The following PCCA variants were observed in gnomAD, a reference collection of about 807,000 sequenced individuals.
PCCA encodes the protein propionyl-CoA carboxylase subunit alpha, also known as propionyl-CoA carboxylase alpha chain, mitochondrial.
A neutral mutation model predicts 101.3 loss-of-function variants in PCCA; 74 were observed. The observed-to-expected ratio is 0.73, with a 90% CI of 0.61 to 0.89. PCCA has a LOEUF of 0.89. PCCA is among the 40% of genes least tolerant of loss of function. The pLI, the probability that PCCA is intolerant of heterozygous loss-of-function variation, is 0.00. For synonymous variants in PCCA, 294 were observed against 313.6 expected, an observed-to-expected ratio of 0.94 and a Z score of 0.66; for missense variants, 891 against 907.0, an observed-to-expected ratio of 0.98 and a Z score of 0.23.
rs147667745 is a variant in PCCA, at chr13:100,362,983, T to C, written c.1644-5489T>C. Among the ~76,000 whole-genome samples the C allele has an allele frequency of 2.0e-5, 3 of 152,336 alleles. No individual in the cohort carries two copies. The East Asian group carries it at 5.8e-4, about 29-fold the overall frequency. Reference sequence around the variant, plus strand: ...AACTTTAATGTTGGAGTGTTGTAAGTTCTCACATAATAAGGCTCAGATTTT... The same window carrying C: ...AACTTTAATGTTGGAGTGTTGTAAGCTCTCACATAATAAGGCTCAGATTTT... On this transcript the variant is annotated intron_variant, in intron 18 of 23. Transcript: ENST00000376285.
chr13:100,105,548 G>A (rs1369910624), intron 2 of PCCA, among the ~76,000 whole-genome samples: 1 of 151,320 alleles, frequency 6.6e-6, no homozygotes, highest in Non-Finnish European at 1.5e-5. Context: ...TGGGCTATCA[G>A]CCAGGTGTGA....
chr13:100,407,222 T>A (rs2089993453), intron 19 of PCCA, among the ~76,000 whole-genome samples: 1 of 152,214 alleles, frequency 6.6e-6, no homozygotes, highest in African/African-American at 2.4e-5. Context: ...TAAAGAAGAT[T>A]GAACATCATT....
intron 2 of PCCA, among the ~76,000 whole-genome samples, chr13:100,103,644 A>G (rs2047482590): frequency 1.5e-5 from 2 of 136,030 alleles, no homozygotes; most frequent in South Asian, 4.7e-4. Flanking sequence ...TTATTTATTT[A>G]TTTATTTGTG....
chr13:100,420,586 CAA>C (rs1447250865), intron 19 of PCCA, among the ~76,000 whole-genome samples: 7 of 152,002 alleles, frequency 4.6e-5, no homozygotes, highest in African/African-American at 1.7e-4. Context: ...CTCAAAAAAA[CAA>C]AGACATTAAC....
chr13:100,103,532 G>C (rs59483796), intron 2 of PCCA, among the ~76,000 whole-genome samples: 1 of 150,458 alleles, frequency 6.6e-6, no homozygotes, highest in Non-Finnish European at 1.5e-5. Flanking sequence ...GGATGGTCTC[G>C]AACTCCTGAC....
chr13:100,333,228 G>A (rs904961949), intron 17 of PCCA, among the ~76,000 whole-genome samples: 3 of 152,080 alleles, frequency 2.0e-5, no homozygotes, highest in Non-Finnish European at 2.9e-5. Flanking sequence ...ATTTTAAACT[G>A]TATCGTCTTT....
At chr13:100,436,001 C>T (rs962163813) in intron 20 of PCCA, among the ~76,000 whole-genome samples, 8 of 151,778 alleles carry the variant, frequency 5.3e-5, no homozygotes, top group African/African-American at 1.7e-4. Context: ...TGAGATCGAG[C>T]CATTGCACTC....
chr13:100,105,668 A>AC (rs1311322779), intron 2 of PCCA, among the ~76,000 whole-genome samples: 2 of 149,312 alleles, frequency 1.3e-5, no homozygotes, highest in Non-Finnish European at 3.0e-5. Flanking sequence ...AAAAAAAAAA[A>AC]AAAAAAAAAA....
At chr13:100,473,481 T>C (rs1489374831) in intron 21 of PCCA, among the ~76,000 whole-genome samples, 2 of 152,222 alleles carry the variant, frequency 1.3e-5, no homozygotes, top group African/African-American at 4.8e-5. Context: ...TTTACCAGTA[T>C]AGCTCTCAGA....
chr13:100,484,321 C>T (rs369274381), intron 21 of PCCA, among the ~76,000 whole-genome samples: 5 of 152,050 alleles, frequency 3.3e-5, no homozygotes, highest in African/African-American at 4.8e-5. Context: ...CAGAGGCTCT[C>T]GTGAAACCCT....
At chr13:100,298,202 G>A (rs2065707357) in intron 12 of PCCA, among the ~76,000 whole-genome samples, 1 of 152,078 alleles carries the variant, frequency 6.6e-6, no homozygotes, top group Non-Finnish European at 1.5e-5. Flanking sequence ...ATTCCATTTT[G>A]TATTTTGAAT....
intron 21 of PCCA, among the ~76,000 whole-genome samples, chr13:100,509,194 G>C (rs938640774): frequency 6.6e-6 from 1 of 151,326 alleles, no homozygotes; most frequent in African/African-American, 2.4e-5. Flanking sequence ...GCCAGTAGAC[G>C]GATATGTTAA....
intron 20 of PCCA, among the ~76,000 whole-genome samples, chr13:100,447,980 G>A (rs1391673218): frequency 6.6e-6 from 1 of 152,124 alleles, no homozygotes; most frequent in African/African-American, 2.4e-5. Flanking sequence ...AATGAAATTA[G>A]GATACATCTG....
At chr13:100,512,689 G>A (rs1050125058) in intron 21 of PCCA, among the ~76,000 whole-genome samples, 4 of 152,140 alleles carry the variant, frequency 2.6e-5, no homozygotes, top group African/African-American at 9.7e-5. Context: ...GGCTGCTTCT[G>A]GGATCCTACT....
chr13:100,150,754 T>G (rs117810421), intron 4 of PCCA: 22 of 1,590,160 alleles, frequency 1.4e-5, no homozygotes, highest in Non-Finnish European at 1.7e-5. Flanking sequence ...AATTCAGGAC[T>G]CTCAAAGCCC....
intron 22 of PCCA, among the ~76,000 whole-genome samples, chr13:100,520,516 TC>T (rs1296227298): frequency 1.3e-5 from 2 of 150,910 alleles, no homozygotes; most frequent in Admixed American, 1.3e-4. Flanking sequence ...GCGCCTGTAG[TC>T]CCAGCTACTC....
intron 4 of PCCA, among the ~76,000 whole-genome samples, chr13:100,117,132 G>A (rs546492352): frequency 2.0e-5 from 3 of 152,108 alleles, no homozygotes; most frequent in African/African-American, 7.2e-5. Context: ...TTGATTTTGT[G>A]TTTTATTTTT....
chr13:100,332,478 CA>C (rs2069772778), intron 17 of PCCA, among the ~76,000 whole-genome samples: 1 of 152,030 alleles, frequency 6.6e-6, no homozygotes, highest in Non-Finnish European at 1.5e-5. Context: ...ACCTTTAGAA[CA>C]AACATTATAT....
chr13:100,308,338 T>C (rs2066626867), intron 15 of PCCA, among the ~76,000 whole-genome samples: 1 of 152,148 alleles, frequency 6.6e-6, no homozygotes, highest in African/African-American at 2.4e-5. Flanking sequence ...TTAGTGCTTT[T>C]TTTTGGGATA....
Sources: gnomAD v4.1 joint callset for allele counts (sites outside exome capture counted in the v4.1 genomes callset) on GRCh38, gnomAD v4.1.1 for gene constraint, MANE v1.5 for transcripts, NCBI Gene and HGNC (gene_info 2026-07-23, HGNC 2026-07-21) for gene names.